PIK3C2G: variants seen among roughly 807,000 people sequenced by gnomAD.
The protein encoded by PIK3C2G is phosphatidylinositol 3-kinase C2 domain-containing subunit gamma.
PIK3C2G carries 168 observed loss-of-function variants against 181.1 expected under a neutral mutation model. That is an observed-to-expected ratio of 0.93 (90% CI 0.82 to 1.05). PIK3C2G has a LOEUF of 1.05. PIK3C2G is among the 50% of genes least tolerant of loss of function. PIK3C2G has a pLI of 0.00. For missense variants in PIK3C2G, 1,869 were observed against 1,732.8 expected, an observed-to-expected ratio of 1.08 and a Z score of -1.40; for synonymous variants, 573 against 592.2, an observed-to-expected ratio of 0.97 and a Z score of 0.47.
intron 1 of PIK3C2G, among the ~76,000 whole-genome samples, chr12:18,255,576 G>C (rs7975591): frequency 0.44 from 66,804 of 151,970 alleles, 15,125 homozygotes; most frequent in East Asian, 0.75. Context: ...GTGTGTTGAG[G>C]GCGAGGGAGC....
intron 30 of PIK3C2G, among the ~76,000 whole-genome samples, chr12:18,599,481 C>T (rs1056816899): frequency 1.3e-5 from 2 of 151,296 alleles, no homozygotes; most frequent in Non-Finnish European, 2.9e-5. Context: ...GGGAACATCA[C>T]ACTCTGGGGA....
At chr12:18,265,668 T>A (rs895841539) in intron 1 of PIK3C2G, among the ~76,000 whole-genome samples, 3 of 152,008 alleles carry the variant, frequency 2.0e-5, no homozygotes, top group Admixed American at 6.6e-5. Flanking sequence ...AGTAATATAT[T>A]TGGTAATACT....
rs552981520 is a variant in PIK3C2G at position 18,273,134 on chromosome 12, G to A, written c.-78-8870G>A. On this transcript the variant is annotated intron_variant, in intron 1 of 32. Coordinates refer to ENST00000538779, the MANE Select transcript of PIK3C2G (RefSeq NM_001288772.2). The stretch of plus-strand genomic sequence containing the variant: ...CAGCATTACACACAAAATATTATGA[G>A]GATGAAAATTCTAATACAGTCACTT... Among the ~76,000 whole-genome samples, 9 of 152,114 alleles carry A rather than the reference G, an allele frequency of 5.9e-5. No individual in the cohort carries two copies. The South Asian group carries it at 1.0e-3, about 18-fold the overall frequency.
At chr12:18,591,211 T>C (rs1200257582) in intron 29 of PIK3C2G, among the ~76,000 whole-genome samples, 1 of 151,848 alleles carries the variant, frequency 6.6e-6, no homozygotes, top group African/African-American at 2.4e-5. Flanking sequence ...CAGATGAAAA[T>C]TGGCAACTGA....
intron 29 of PIK3C2G, among the ~76,000 whole-genome samples, chr12:18,593,267 T>A (rs1362349597): frequency 6.6e-6 from 1 of 151,934 alleles, no homozygotes; most frequent in African/African-American, 2.4e-5. Context: ...AACTTTAAGA[T>A]ACGAATTTGG....
chr12:18,610,957 C>G (rs949618814), intron 31 of PIK3C2G, among the ~76,000 whole-genome samples: 1 of 152,044 alleles, frequency 6.6e-6, no homozygotes, highest in Admixed American at 6.6e-5. Flanking sequence ...TGCTTTTAGA[C>G]TGGGCATGTA....
At chr12:18,244,967 TTC>T (rs1356275947), upstream of PIK3C2G, among the ~76,000 whole-genome samples, 4 of 152,086 alleles carry the variant, frequency 2.6e-5, no homozygotes, top group Non-Finnish European at 4.4e-5. Flanking sequence ...TCCAAGCAAG[TTC>T]TCTGTTCCCT....
chr12:18,384,417 G>A (rs1592123776), intron 14 of PIK3C2G, among the ~76,000 whole-genome samples: 1 of 152,188 alleles, frequency 6.6e-6, no homozygotes, highest in Admixed American at 6.5e-5. Flanking sequence ...GGGTGTGTAA[G>A]TGTAGATATA....
the PIK3C2G span, among the ~76,000 whole-genome samples, chr12:18,670,743 C>T: frequency 3.3e-5 from 5 of 152,088 alleles, no homozygotes; most frequent in Non-Finnish European, 5.9e-5. Flanking sequence ...TTTACTTTAT[C>T]ATCCTGAACT....
intron 24 of PIK3C2G, among the ~76,000 whole-genome samples, chr12:18,507,611 A>T (rs1344003879): frequency 6.6e-6 from 1 of 152,128 alleles, no homozygotes; most frequent in Non-Finnish European, 1.5e-5. Context: ...TTCATGTAAC[A>T]GTTTTTTCCT....
At chr12:18,630,093 AAG>A (rs1949285331) in intron 31 of PIK3C2G, among the ~76,000 whole-genome samples, 1 of 152,066 alleles carries the variant, frequency 6.6e-6, no homozygotes, top group Non-Finnish European at 1.5e-5. Context: ...TTATGAAGGG[AAG>A]GCATGACTAT....
chr12:18,285,038 T>G (rs190300974), intron 2 of PIK3C2G, among the ~76,000 whole-genome samples: 1 of 151,830 alleles, frequency 6.6e-6, no homozygotes, highest in African/African-American at 2.4e-5. Flanking sequence ...ACAACCCAAA[T>G]AGAATAAATG....
intron 29 of PIK3C2G, among the ~76,000 whole-genome samples, chr12:18,577,708 C>CT (rs1190135541): frequency 6.6e-6 from 1 of 152,138 alleles, no homozygotes; most frequent in African/African-American, 2.4e-5. Flanking sequence ...GATATAATAG[C>CT]TTCTCCCAAG....
At chr12:18,548,069 C>CG (rs1475189977) in intron 26 of PIK3C2G, among the ~76,000 whole-genome samples, 1 of 151,890 alleles carries the variant, frequency 6.6e-6, no homozygotes, top group African/African-American at 2.4e-5. Flanking sequence ...CTGTTTAACC[C>CG]GAGTACAAAA....
intron 19 of PIK3C2G, among the ~76,000 whole-genome samples, chr12:18,489,718 G>A (rs1052376349): frequency 3.9e-5 from 6 of 152,058 alleles, no homozygotes; most frequent in African/African-American, 1.4e-4. Context: ...ATTTTGTAAT[G>A]GTAGACAAAA....
At chr12:18,277,692 T>C (rs1433625002) in intron 1 of PIK3C2G, among the ~76,000 whole-genome samples, 1 of 152,192 alleles carries the variant, frequency 6.6e-6, no homozygotes, top group Non-Finnish European at 1.5e-5. Context: ...TCCTTTTTTG[T>C]TGTTCTTTTG....
chr12:18,389,208 C>T (rs1347658540), intron 14 of PIK3C2G, among the ~76,000 whole-genome samples: 1 of 152,064 alleles, frequency 6.6e-6, no homozygotes, highest in African/African-American at 2.4e-5. Flanking sequence ...AAAAAATTAG[C>T]TGGGTGTGGT....
chr12:18,661,066 A>C, the PIK3C2G span, among the ~76,000 whole-genome samples: 1 of 152,266 alleles, frequency 6.6e-6, no homozygotes, highest in East Asian at 1.9e-4. Context: ...AGTTAGAAGA[A>C]TTGATGAACT....
chr12:18,324,247 A>G (rs1055774609), intron 7 of PIK3C2G, among the ~76,000 whole-genome samples: 31 of 152,094 alleles, frequency 2.0e-4, no homozygotes, highest in Non-Finnish European at 4.0e-4. Flanking sequence ...CCATTGCCCA[A>G]ATCTTTAGTT....
Sources: gnomAD v4.1 joint callset for allele counts (sites outside exome capture counted in the v4.1 genomes callset) on GRCh38, gnomAD v4.1.1 for gene constraint, MANE v1.5 for transcripts, NCBI Gene and HGNC (gene_info 2026-07-23, HGNC 2026-07-21) for gene names.